The following RNMT variants were observed in gnomAD, a reference collection of about 807,000 sequenced individuals.
RNMT encodes mRNA cap guanine-N(7) methyltransferase.
A neutral mutation model predicts 56.0 loss-of-function variants in RNMT; 27 were observed. The observed-to-expected ratio is 0.48, with a 90% CI of 0.36 to 0.67. The LOEUF (loss-of-function observed/expected upper bound fraction) is 0.67, where lower values mean the gene tolerates loss of function less well. RNMT is among the 30% of genes least tolerant of loss of function. The probability of loss-of-function intolerance (pLI) is 0.00; values close to 1 mark genes in which losing one functional copy is unlikely to be tolerated. For missense variants in RNMT, 519 were observed against 552.1 expected (o/e 0.94, Z 0.60); for synonymous variants, 184 against 176.2 (o/e 1.04, Z -0.35).
intron 11 of RNMT, among the ~76,000 whole-genome samples, chr18:13,756,775 G>A (rs1162337454): frequency 2.0e-5 from 3 of 152,208 alleles, no homozygotes; most frequent in Non-Finnish European, 4.4e-5. Flanking sequence ...CCATCAGGCA[G>A]TTAGCTGTGT....
At chr18:13,740,316 T>G in intron 6 of RNMT, 37 bp downstream of exon 6, 2 of 1,097,928 alleles carry the variant, frequency 1.8e-6, no homozygotes, top group South Asian at 2.8e-5. Context: ...ATTTTTTACA[T>G]TTTTAGTTTG....
intron 1 of RNMT, among the ~76,000 whole-genome samples, chr18:13,727,089 C>T (rs2043969798): frequency 1.3e-5 from 2 of 152,180 alleles, no homozygotes; most frequent in South Asian, 2.1e-4. Context: ...TAACAGGCCG[C>T]GCTAATGACG....
intron 11 of RNMT, among the ~76,000 whole-genome samples, chr18:13,756,278 A>T (rs1427876001): frequency 6.6e-6 from 1 of 152,228 alleles, no homozygotes; most frequent in Non-Finnish European, 1.5e-5. Context: ...TTTATACAAT[A>T]AGTGGGACTT....
intron 8 of RNMT, 197 bp downstream of exon 8, chr18:13,742,849 GT>G: frequency 2.4e-6 from 1 of 414,504 alleles, no homozygotes; most frequent in Non-Finnish European, 4.2e-6. Context: ...ATTGCCATAG[GT>G]CTCATAATAG....
Position 13,761,890 on chromosome 18 carries a change from A to T in RNMT, c.*1911A>T. ...GCCCCTGTGTCTCCTTGTTACAATT[A>T]AGTTTCTGGATATTGACTTAAGAAC... is the stretch of plus-strand genomic sequence containing the variant. On this transcript the variant is annotated 3_prime_UTR_variant, in exon 12 of 12. Transcript: ENST00000383314. The T allele has an allele frequency of 5.9e-6, 7 of 1,188,126 alleles. No homozygotes were observed. Among genetic ancestry groups the T allele is most frequent in the South Asian group, 2.7e-5 (1 of 36,864 alleles). 73.6% of individuals were successfully genotyped at this position (1,188,126 alleles called of 1,614,324 possible). A position where few individuals can be genotyped will look rare whatever the true frequency, so the allele number is the denominator to read the frequency against.
At chr18:13,756,022 C>T (rs1322966352) in intron 11 of RNMT, among the ~76,000 whole-genome samples, 1 of 152,190 alleles carries the variant, frequency 6.6e-6, no homozygotes, top group African/African-American at 2.4e-5. Flanking sequence ...ATGAATTGCT[C>T]TGTTCTAAGC....
At position 13,760,907 on chromosome 18, in the gene RNMT, T is replaced by TA. The variant is rs2044611059; in HGVS notation, c.*931dup. The TA allele has an allele frequency of 1.0e-6, 1 of 985,362 alleles. No individual in the cohort carries two copies. Among genetic ancestry groups the TA allele is most frequent in the Admixed American group, 6.1e-5 (1 of 16,270 alleles). 61.0% of individuals were successfully genotyped at this position (985,362 alleles called of 1,614,324 possible). A position where few individuals can be genotyped will look rare whatever the true frequency, so the allele number is the denominator to read the frequency against. ...CACTTTGCACCGTAGGAGCCATTGT[T>TA]AAAGTTGTCACTTGTGTAACTGACT... On this transcript the variant is annotated 3_prime_UTR_variant, in exon 12 of 12. Coordinates refer to ENST00000383314, the MANE Select transcript of RNMT (RefSeq NM_003799.3).
chr18:13,738,769 T>G (rs1161841243), intron 5 of RNMT, among the ~76,000 whole-genome samples: 1 of 152,258 alleles, frequency 6.6e-6, no homozygotes, highest in Non-Finnish European at 1.5e-5. Flanking sequence ...TTGTAATTCT[T>G]ATTTGAAAGT....
In RNMT at chr18:13,731,467, C is replaced by G. The variant is rs759021344; in HGVS notation, c.-42-9C>G. The G allele has an allele frequency of 2.8e-6, 4 of 1,430,992 alleles. No homozygotes were observed. The Middle Eastern group carries it at 5.5e-4, about 197-fold the overall frequency. The allele number at this position is 1,430,992 out of a possible 1,614,324, so 88.6% of individuals were successfully genotyped here. A position where few individuals can be genotyped will look rare whatever the true frequency, so the allele number is the denominator to read the frequency against. On this transcript the variant is annotated splice_polypyrimidine_tract_variant and intron_variant, in intron 2 of 11. Transcript: ENST00000383314. ...TTTACAAGTAATACCAATTTTTTTC[C>G]TATTCTAGTGTTGGTTCATGAAGTT...
intron 10 of RNMT, 76 bp downstream of exon 10, chr18:13,752,503 T>C: frequency 4.5e-6 from 4 of 892,526 alleles, no homozygotes; most frequent in Non-Finnish European, 7.1e-6. Context: ...TAGGAAATGA[T>C]TTCACTTGTT....
intron 11 of RNMT, among the ~76,000 whole-genome samples, chr18:13,757,797 G>C (rs567381853): frequency 2.0e-5 from 3 of 152,090 alleles, no homozygotes; most frequent in Non-Finnish European, 4.4e-5. Flanking sequence ...TTTCCATCAG[G>C]TTTTTTATTT....
chr18:13,746,131 A>C, intron 8 of RNMT, 89 bp from the exon 9 acceptor site: 1 of 688,380 alleles, frequency 1.5e-6, no homozygotes, highest in Non-Finnish European at 2.5e-6. Flanking sequence ...TTTTTAGTTA[A>C]GTCCAGAAGA....
At chr18:13,733,783 A>G (rs1426523088) in intron 3 of RNMT, among the ~76,000 whole-genome samples, 2 of 152,236 alleles carry the variant, frequency 1.3e-5, no homozygotes, top group Admixed American at 1.3e-4. Flanking sequence ...AACACCAAAC[A>G]TTGACTGTCA....
Position 13,731,462 on chromosome 18 carries a change from T to G in RNMT, c.-42-14T>G. The G allele has an allele frequency of 7.1e-7, 1 of 1,414,716 alleles. No individual in the cohort carries two copies. The highest frequency in any genetic ancestry group is 1.4e-5 in the African/African-American group (1 of 69,622). 87.6% of individuals were successfully genotyped at this position (1,414,716 alleles called of 1,614,324 possible). A position where few individuals can be genotyped will look rare whatever the true frequency, so the allele number is the denominator to read the frequency against. ...TAGTGTTTACAAGTAATACCAATTT[T>G]TTTCCTATTCTAGTGTTGGTTCATG... On this transcript the variant is annotated splice_polypyrimidine_tract_variant and intron_variant, in intron 2 of 11. Coordinates refer to ENST00000383314, the MANE Select transcript of RNMT (RefSeq NM_003799.3).
intron 11 of RNMT, among the ~76,000 whole-genome samples, chr18:13,754,825 G>C (rs1445419169): frequency 6.6e-6 from 1 of 152,188 alleles, no homozygotes; most frequent in African/African-American, 2.4e-5. Context: ...GACAGTGAAG[G>C]CATAATAATA....
At position 13,740,012 on chromosome 18, in the gene RNMT, G is replaced by A. The variant is rs78751194; in HGVS notation, c.680-155G>A. Among the ~76,000 whole-genome samples, 609 of 152,236 alleles carry A rather than the reference G, an allele frequency of 4.0e-3. 4 individuals are homozygous for A. The highest frequency in any genetic ancestry group is 0.03 in the East Asian group (153 of 5,178). Reference sequence around the variant, plus strand: ...TCTTGAAAACTGATAGGGTATTTGCGTCGGAACAAAGCCCTTTTCTTTTCT... The same window carrying A: ...TCTTGAAAACTGATAGGGTATTTGCATCGGAACAAAGCCCTTTTCTTTTCT... On this transcript the variant is annotated intron_variant, in intron 5 of 11. Coordinates refer to ENST00000383314, the MANE Select transcript of RNMT (RefSeq NM_003799.3).
intron 9 of RNMT, among the ~76,000 whole-genome samples, chr18:13,749,689 A>G (rs975394247): frequency 1.3e-5 from 2 of 152,154 alleles, no homozygotes; most frequent in African/African-American, 2.4e-5. Context: ...TATGTAATTT[A>G]TTATGTTTTG....
At chr18:13,737,651 G>A (rs996463094) in intron 5 of RNMT, among the ~76,000 whole-genome samples, 4 of 151,866 alleles carry the variant, frequency 2.6e-5, no homozygotes, top group East Asian at 1.9e-4. Context: ...AAAGATGGTC[G>A]GAGTCATGTC....
At chr18:13,729,747 A>G (rs575815596) in intron 1 of RNMT, among the ~76,000 whole-genome samples, 59 of 152,216 alleles carry the variant, frequency 3.9e-4, no homozygotes, top group African/African-American at 1.4e-3. Flanking sequence ...TTCATTATCC[A>G]AAAGGCTTTT....
Sources: allele counts gnomAD v4.1 joint callset (sites outside exome capture counted in the v4.1 genomes callset), GRCh38; gene constraint gnomAD v4.1.1; transcripts MANE v1.5; gene names NCBI Gene and HGNC (gene_info 2026-07-23, HGNC 2026-07-21).